The following PRSS58 variants were observed in gnomAD, a reference collection of about 807,000 sequenced individuals.
The protein encoded by PRSS58 is protease, serine 58.
Under a neutral mutation model 25.0 loss-of-function variants are expected in PRSS58, and 31 were observed. The ratio of observed to expected loss-of-function variants is 1.24; its 90% CI spans 0.93 to 1.67. The LOEUF (loss-of-function observed/expected upper bound fraction) is 1.67, where lower values mean the gene tolerates loss of function less well. PRSS58 is among the 40% of genes most tolerant of loss of function. The pLI is 0.00. For synonymous variants in PRSS58, 119 were observed against 106.1 expected (o/e 1.12, Z -0.75); for missense variants, 324 against 287.9 (o/e 1.13, Z -0.91).
rs772604501 is a variant in PRSS58, at chr7:142,255,267, T to C, written c.224A>G (p.Asn75Ser). The part of the protein sequence containing the change: ...ILGVTIPADS[N>S]EKHLQVIGYE... ...GCCAATCACTTGCAGATGCTTTTCA[T>C]TAGAGTCTGCTGGGATTGTAACCCC... Residue 75 changes from asparagine (N) to serine (S), a missense_variant, in exon 4 of 6, where the codon AAT (asparagine) becomes AGT (serine). Coordinates refer to ENST00000547058, the MANE Select transcript of PRSS58 (RefSeq NM_001001317.5). The C allele has an allele frequency of 1.2e-6, 2 of 1,613,698 alleles. No individual in the cohort carries two copies. Among genetic ancestry groups the C allele is most frequent in the Non-Finnish European group, 1.7e-6 (2 of 1,179,620 alleles).
rs764864958 is a variant in PRSS58 at position 142,255,313 on chromosome 7, T to C, written c.180-2A>G. The C allele has an allele frequency of 6.2e-7, 1 of 1,613,260 alleles. No individual in the cohort carries two copies. ...ACCCCCAATATCACCCGAAGCTTTCTGGAACAATATAGACGTTTATGAGAG... is the reference window on the plus strand; with the variant it reads ...ACCCCCAATATCACCCGAAGCTTTCCGGAACAATATAGACGTTTATGAGAG... On this transcript the variant is annotated splice_acceptor_variant, in intron 3 of 5. Transcript: ENST00000547058. LOFTEE classifies it high-confidence loss of function.
At chr7:142,256,469 T>C (rs896286888) in intron 2 of PRSS58, among the ~76,000 whole-genome samples, 1 of 152,098 alleles carries the variant, frequency 6.6e-6, no homozygotes, top group Non-Finnish European at 1.5e-5. Flanking sequence ...CAGTATTTGT[T>C]TGTTGTTTGT....
In PRSS58 at chr7:142,252,181, T is replaced by C. The variant is rs758192404; in HGVS notation, c.*40A>G. The C allele has an allele frequency of 5.1e-6, 8 of 1,563,476 alleles. No individual in the cohort carries two copies. The highest frequency in any genetic ancestry group is 6.9e-6 in the Non-Finnish European group (8 of 1,155,558). ...TATATTTAATTCTAAAGGTGAACGATGGGGACAAGCTGTGTCATATGGTCC... is the reference window on the plus strand; with the variant it reads ...TATATTTAATTCTAAAGGTGAACGACGGGGACAAGCTGTGTCATATGGTCC... On this transcript the variant is annotated 3_prime_UTR_variant, in exon 6 of 6. Transcript: ENST00000547058.
At chr7:142,254,197 A>G (rs964141307) in intron 4 of PRSS58, among the ~76,000 whole-genome samples, 2 of 152,204 alleles carry the variant, frequency 1.3e-5, no homozygotes, top group Admixed American at 1.3e-4. Context: ...GGGATTATAT[A>G]TCATTGTTCT....
chr7:142,257,737 G>A lies in PRSS58; in HGVS notation c.-30C>T. The stretch of plus-strand genomic sequence containing the variant: ...ATGTTGAAAGCCCAGTTTAGCTCCA[G>A]TCTCTGGAAAACTGGGAAGAGAGAG... On this transcript the variant is annotated 5_prime_UTR_variant, in exon 2 of 6. Transcript: ENST00000547058. The A allele has an allele frequency of 6.3e-7, 1 of 1,598,242 alleles. No homozygotes were observed. Among genetic ancestry groups the A allele is most frequent in the Non-Finnish European group, 8.6e-7 (1 of 1,166,080 alleles).
rs1401329011 is a variant in PRSS58 at position 142,254,895 on chromosome 7, C to A, written c.436+160G>T. 2.7e-5 allele frequency among the ~76,000 whole-genome samples: 4 copies of A among 150,018 alleles called. No individual in the cohort carries two copies. In the East Asian group the frequency reaches 7.8e-4, roughly 29 times the overall value. On this transcript the variant is annotated intron_variant, in intron 4 of 5. Transcript: ENST00000547058. ...AGATACAGCGGGTGAATAAAAAAAA[C>A]CCAAAAACCTTGAAGCACTCCTTCA...
intron 4 of PRSS58, among the ~76,000 whole-genome samples, chr7:142,254,208 A>G (rs1798516167): frequency 6.6e-6 from 1 of 152,124 alleles, no homozygotes; most frequent in Admixed American, 6.6e-5. Flanking sequence ...TCATTGTTCT[A>G]TTTTGCTAAT....
At chr7:142,255,428 G>C (rs1241600590) in intron 3 of PRSS58, 107 bp downstream of exon 3, 4 of 1,584,174 alleles carry the variant, frequency 2.5e-6, no homozygotes, top group Non-Finnish European at 3.5e-6. Context: ...TCTCCCAAAG[G>C]CTTTTCTAAT....
chr7:142,252,550 G>T lies in PRSS58; in HGVS notation c.498C>A (p.Arg166=). Residue 166 remains arginine (R), a synonymous_variant, in exon 5 of 6, where the codon CGC becomes CGA. Transcript: ENST00000547058. Reference sequence around the variant, plus strand: ...TGATGTTGTAGGTTTTATAGGCATCGCGACACTGAGGCTTGGAGATTACAG... The same window carrying T: ...TGATGTTGTAGGTTTTATAGGCATCTCGACACTGAGGCTTGGAGATTACAG... ...NISVISKPQC[R]DAYKTYNITE... The T allele has an allele frequency of 6.2e-7, 1 of 1,614,172 alleles. No individual in the cohort carries two copies. Among genetic ancestry groups the T allele is most frequent in the Non-Finnish European group, 8.5e-7 (1 of 1,180,018 alleles).
intron 4 of PRSS58, 114 bp downstream of exon 4, chr7:142,254,941 A>C: frequency 9.5e-7 from 1 of 1,057,290 alleles, no homozygotes; most frequent in Non-Finnish European, 1.4e-6. Flanking sequence ...GAGAAAAGGA[A>C]AGGGGGGAAA....
At chr7:142,257,908 G>A (rs1798584601) in intron 1 of PRSS58, 83 bp downstream of exon 1, 2 of 578,328 alleles carry the variant, frequency 3.5e-6, no homozygotes, top group African/African-American at 3.7e-5. Context: ...GACAAGAATA[G>A]AGTCAAGTGA....
rs1477021133 is a variant in PRSS58 at position 142,252,480 on chromosome 7, G to C, written c.568C>G (p.Pro190Ala). The C allele has an allele frequency of 3.1e-6, 5 of 1,613,756 alleles. No individual in the cohort carries two copies. Among genetic ancestry groups the C allele is most frequent in the Non-Finnish European group, 4.2e-6 (5 of 1,179,952 alleles). The change falls in exon 5 of 6, where the codon CCC becomes GCC. Residue 190 changes from proline to alanine, a missense_variant. Physicochemically the swap from Pro to Ala is conservative, Grantham distance 27. Transcript: ENST00000547058. ...CVGIVPGRRQ[P>A]CKEVSAAPAI... The stretch of plus-strand genomic sequence containing the variant: ...GATGAAGAGTATTTTACCTTGCAGG[G>C]CTGCCTCCTTCCTGGCACAATGCCC...
chr7:142,252,845 A>G (rs1391959293), intron 4 of PRSS58, among the ~76,000 whole-genome samples: 1 of 152,230 alleles, frequency 6.6e-6, no homozygotes, highest in Non-Finnish European at 1.5e-5. Flanking sequence ...AGTTACATGT[A>G]CATGTGAGAC....
chr7:142,255,121 A>G lies in PRSS58; in HGVS notation c.370T>C (p.Tyr124His). The G allele has an allele frequency of 6.2e-7, 1 of 1,613,988 alleles. No individual in the cohort carries two copies. Among genetic ancestry groups the G allele is most frequent in the Non-Finnish European group, 8.5e-7 (1 of 1,179,868 alleles). ...NDYVKLANLP[Y>H]QTISENTMCS... is the part of the protein sequence containing the mutation. ...ATGGTATTTTCAGAGATAGTTTGGT[A>G]GGGCAGGTTGGCTAATTTCACATAG... The change falls in exon 4 of 6, where the codon TAC becomes CAC. Residue 124 changes from tyrosine to histidine, a missense_variant. Coordinates refer to ENST00000547058, the MANE Select transcript of PRSS58 (RefSeq NM_001001317.5).
intron 4 of PRSS58, among the ~76,000 whole-genome samples, chr7:142,254,019 C>A (rs1291111033): frequency 1.3e-5 from 2 of 152,122 alleles, no homozygotes; most frequent in African/African-American, 2.4e-5. Flanking sequence ...AAGTGTACAT[C>A]TGCCTGTTGG....
intron 4 of PRSS58, among the ~76,000 whole-genome samples, chr7:142,254,100 T>C (rs114119192): frequency 0.011 from 1,675 of 152,266 alleles, 29 homozygotes; most frequent in African/African-American, 0.038. Flanking sequence ...TAAATCTCCT[T>C]TTCATACTAT....
In PRSS58 at chr7:142,255,062, A is replaced by T. The variant is rs776292663; in HGVS notation, c.429T>A (p.Cys143Ter). The T allele has an allele frequency of 4.3e-6, 7 of 1,613,932 alleles. No homozygotes were observed. In the Admixed American group the frequency reaches 1.2e-4, roughly 27 times the overall value. Reference protein sequence around the residue: ...CSVSTWSYNVCDIYKEPDSLQ... With the variant: ...CSVSTWSYNV ...ACATTGTCTTGAACTCACAGATATC[A>T]CACACATTGTAGCTCCAGGTAGAGA... is the stretch of plus-strand genomic sequence containing the variant. The change falls in exon 4 of 6, where the codon TGT (cysteine) becomes TGA (stop). Residue 143 changes from cysteine (C) to a stop codon, truncating the protein, a stop_gained. Transcript: ENST00000547058. LOFTEE classifies it high-confidence loss of function.
At chr7:142,255,725 G>A in intron 2 of PRSS58, 52 bp from the exon 3 acceptor site, 1 of 1,522,980 alleles carries the variant, frequency 6.6e-7, no homozygotes, top group Non-Finnish European at 8.8e-7. Context: ...GTCATCACCA[G>A]AAAAACTTCA....
chr7:142,252,291 G>T lies in PRSS58; in HGVS notation c.656C>A (p.Ala219Asp), dbSNP rs1356811724. The change falls in exon 6 of 6, where the codon GCT becomes GAT. Residue 219 changes from alanine to aspartate, a missense_variant. Transcript: ENST00000547058. ...LSFADGCVLR[A>D]DVGIYAKIFY... is the part of the protein sequence containing the mutation. ...AATTTTGGCATAGATGCCAACATCAGCTCTCAAAACACATCCATCCGCAAA... is the reference window on the plus strand; with the variant it reads ...AATTTTGGCATAGATGCCAACATCATCTCTCAAAACACATCCATCCGCAAA... 6.2e-7 allele frequency: 1 copy of T among 1,613,910 alleles called. No homozygotes were observed. The highest frequency in any genetic ancestry group is 1.7e-5 in the Admixed American group (1 of 59,988).
Sources: gnomAD v4.1 joint callset for allele counts (sites outside exome capture counted in the v4.1 genomes callset) on GRCh38, gnomAD v4.1.1 for gene constraint, MANE v1.5 for transcripts, NCBI Gene and HGNC (gene_info 2026-07-23, HGNC 2026-07-21) for gene names.